BRD7: variants seen among roughly 807,000 people sequenced by gnomAD.
BRD7 encodes bromodomain containing 7.
In BRD7, 15 loss-of-function variants were observed where a neutral mutation model predicts 82.1. The observed-to-expected ratio is 0.18, with a 90% CI of 0.12 to 0.28. The LOEUF (loss-of-function observed/expected upper bound fraction) is 0.28. BRD7 is among the 10% of genes least tolerant of loss of function. BRD7 has a pLI of 1.00. For synonymous variants in BRD7, 232 were observed against 266.9 expected, an observed-to-expected ratio of 0.87 and a Z score of 1.27; for missense variants, 638 against 779.9, an observed-to-expected ratio of 0.82 and a Z score of 2.17.
intron 9 of BRD7, among the ~76,000 whole-genome samples, chr16:50,327,759 G>A (rs1266720794): frequency 6.6e-6 from 1 of 151,992 alleles, no homozygotes; most frequent in African/African-American, 2.4e-5. Flanking sequence ...ATTCATTATA[G>A]ACACACACCT....
chr16:50,326,192 G>T, intron 10 of BRD7, 92 bp downstream of exon 10: 1 of 995,168 alleles, frequency 1.0e-6, no homozygotes, highest in Non-Finnish European at 1.5e-6. Flanking sequence ...AGATACTGGT[G>T]CCCACCTAGT....
chr16:50,349,978 G>A (rs2038453137), intron 5 of BRD7, 45 bp downstream of exon 5: 2 of 1,438,672 alleles, frequency 1.4e-6, no homozygotes, highest in East Asian at 2.5e-5. Flanking sequence ...TATCAGACAT[G>A]CAGATTTCTA....
In BRD7 at chr16:50,317,503, T is replaced by G. The variant is rs1413901425; in HGVS notation, c.*1708A>C. On this transcript the variant is annotated 3_prime_UTR_variant, in exon 17 of 17. Coordinates refer to ENST00000394688, the MANE Select transcript of BRD7 (RefSeq NM_013263.5). ...ATATTTGTACTCTTGGAATATTTGT[T>G]TTTTTCTTCAGTAACAACAGAAACC... 1 of 152,350 alleles carries G rather than the reference T, an allele frequency of 6.6e-6. No homozygotes were observed. Among genetic ancestry groups the G allele is most frequent in the Non-Finnish European group, 1.5e-5 (1 of 68,026 alleles). The allele number at this position is 152,350 out of a possible 1,614,324, so 9.4% of individuals were successfully genotyped here.
intron 2 of BRD7, among the ~76,000 whole-genome samples, chr16:50,361,303 C>T (rs2038925065): frequency 6.6e-6 from 1 of 152,140 alleles, no homozygotes; most frequent in African/African-American, 2.4e-5. Context: ...TTAATTTTAG[C>T]TTTATATATA....
chr16:50,350,227 T>G, intron 4 of BRD7, 60 bp from the exon 5 acceptor site: 1 of 1,312,786 alleles, frequency 7.6e-7, no homozygotes, highest in South Asian at 2.0e-5. Context: ...AATCTATTGG[T>G]CTAGGAGCAG....
chr16:50,364,869 G>A (rs1479329795), intron 2 of BRD7, among the ~76,000 whole-genome samples: 1 of 152,200 alleles, frequency 6.6e-6, no homozygotes, highest in Non-Finnish European at 1.5e-5. Flanking sequence ...GTATCAATGG[G>A]ATTATGGTGG....
At chr16:50,363,473 C>T (rs1567291771) in intron 2 of BRD7, among the ~76,000 whole-genome samples, 1 of 152,148 alleles carries the variant, frequency 6.6e-6, no homozygotes, top group Non-Finnish European at 1.5e-5. Context: ...ACGTTGTACC[C>T]CTAATGCTTT....
chr16:50,356,910 T>C (rs1246257881), intron 2 of BRD7, among the ~76,000 whole-genome samples: 1 of 152,166 alleles, frequency 6.6e-6, no homozygotes, highest in Non-Finnish European at 1.5e-5. Context: ...AAATCAAGAT[T>C]CTCAACAGGA....
intron 5 of BRD7, among the ~76,000 whole-genome samples, chr16:50,341,033 C>T (rs767335486): frequency 2.0e-5 from 3 of 152,052 alleles, no homozygotes; most frequent in Non-Finnish European, 4.4e-5. Context: ...TGTACAAGTA[C>T]GTAAGACTGA....
chr16:50,355,433 T>C (rs2038693996), intron 2 of BRD7, among the ~76,000 whole-genome samples: 1 of 152,208 alleles, frequency 6.6e-6, no homozygotes, highest in Non-Finnish European at 1.5e-5. Context: ...TTGAAAAAGG[T>C]CAGAGTAAGA....
At chr16:50,356,883 C>T (rs1188671115) in intron 2 of BRD7, among the ~76,000 whole-genome samples, 1 of 151,986 alleles carries the variant, frequency 6.6e-6, no homozygotes, top group East Asian at 1.9e-4. Context: ...CCAACAATGC[C>T]CATTTTATGC....
chr16:50,355,209 T>C (rs1011066422), intron 2 of BRD7, among the ~76,000 whole-genome samples: 7 of 152,068 alleles, frequency 4.6e-5, no homozygotes, highest in African/African-American at 1.7e-4. Context: ...CCCAAAACCT[T>C]TTGGGAAAAA....
chr16:50,355,928 T>C (rs536037824), intron 2 of BRD7, among the ~76,000 whole-genome samples: 2 of 152,222 alleles, frequency 1.3e-5, no homozygotes, highest in South Asian at 4.1e-4. Flanking sequence ...ACACAACTTA[T>C]AAAACATTAA....
intron 11 of BRD7, among the ~76,000 whole-genome samples, chr16:50,325,295 T>C (rs749728949): frequency 6.6e-5 from 10 of 152,222 alleles, no homozygotes; most frequent in Admixed American, 1.3e-4. Flanking sequence ...CTACCTGGCA[T>C]GTGATTGGTC....
At chr16:50,358,642 T>G (rs1417308913) in intron 2 of BRD7, among the ~76,000 whole-genome samples, 1 of 152,144 alleles carries the variant, frequency 6.6e-6, no homozygotes, top group Admixed American at 6.6e-5. Context: ...GATAAGATGG[T>G]CAATCATAAA....
At chr16:50,354,243 C>G (rs1385694856) in intron 4 of BRD7, among the ~76,000 whole-genome samples, 182 bp downstream of exon 4, 1 of 152,200 alleles carries the variant, frequency 6.6e-6, no homozygotes, top group Non-Finnish European at 1.5e-5. Flanking sequence ...GCCAGGGAAA[C>G]AAACCAAATA....
chr16:50,363,219 T>C (rs1436729761), intron 2 of BRD7, among the ~76,000 whole-genome samples: 2 of 152,242 alleles, frequency 1.3e-5, no homozygotes, highest in African/African-American at 4.8e-5. Flanking sequence ...CATCTTAGTT[T>C]TACTTAACTA....
chr16:50,332,533 T>A (rs1209981245), intron 8 of BRD7, among the ~76,000 whole-genome samples: 1 of 152,216 alleles, frequency 6.6e-6, no homozygotes, highest in East Asian at 1.9e-4. Context: ...GAATGCTCAC[T>A]GTTGGTGAGA....
At chr16:50,339,010 A>T (rs1373130247) in intron 6 of BRD7, among the ~76,000 whole-genome samples, 1 of 152,214 alleles carries the variant, frequency 6.6e-6, no homozygotes, top group Non-Finnish European at 1.5e-5. Flanking sequence ...ATCTCAGCTT[A>T]CCCTTCAAAG....
Sources: gnomAD v4.1 joint callset for allele counts (sites outside exome capture counted in the v4.1 genomes callset) on GRCh38, gnomAD v4.1.1 for gene constraint, MANE v1.5 for transcripts, NCBI Gene and HGNC (gene_info 2026-07-23, HGNC 2026-07-21) for gene names.